Variants in CLEC12A observed in about 807,000 individuals in gnomAD.
The protein encoded by CLEC12A is C-type lectin protein CLL-1.
A neutral mutation model predicts 26.5 loss-of-function variants in CLEC12A; 22 were observed. The observed-to-expected ratio is 0.83, with a 90% confidence interval of 0.59 to 1.19. The LOEUF is 1.19. CLEC12A is among the 50% of genes most tolerant of loss of function. The pLI is 0.00. For synonymous variants in CLEC12A, 119 were observed against 101.9 expected (o/e 1.17, Z -1.01); for missense variants, 353 against 315.6 (o/e 1.12, Z -0.90).
chr12:9,966,256 C>A (rs1863946169), intron 1 of CLEC12A, among the ~76,000 whole-genome samples: 2 of 152,064 alleles, frequency 1.3e-5, no homozygotes, highest in African/African-American at 2.4e-5. Flanking sequence ...ACGGGCTTAC[C>A]CTCCACTGTG....
intron 1 of CLEC12A, chr12:9,952,086 C>T (rs1168703403): frequency 7.8e-6 from 1 of 128,108 alleles, no homozygotes; most frequent in Non-Finnish European, 1.7e-5. Context: ...GACCCTGTCT[C>T]AAGGAAAAAA....
At chr12:9,999,432 A>C (rs1331202008), downstream of CLEC12A, 1 of 192,382 alleles carries the variant, frequency 5.2e-6, no homozygotes, top group Non-Finnish European at 1.0e-5. Flanking sequence ...TTCTAAGAAC[A>C]AAAGTTCATG....
intron 4 of CLEC12A, among the ~76,000 whole-genome samples, chr12:9,994,784 G>T (rs1467337180): frequency 6.6e-6 from 1 of 151,946 alleles, no homozygotes; most frequent in Non-Finnish European, 1.5e-5. Context: ...AATATGTGAA[G>T]ATAATCAGAA....
chr12:9,994,167 A>T (rs966797378), intron 4 of CLEC12A, among the ~76,000 whole-genome samples: 2 of 152,090 alleles, frequency 1.3e-5, no homozygotes, highest in Non-Finnish European at 2.9e-5. Flanking sequence ...CAGTGGAGAG[A>T]TGGTCATGGA....
chr12:9,970,321 A>T (rs1864082611), upstream of CLEC12A, among the ~76,000 whole-genome samples: 1 of 152,120 alleles, frequency 6.6e-6, no homozygotes, highest in Non-Finnish European at 1.5e-5. Context: ...TATTTTTAGT[A>T]GCTCTTATAA....
chr12:9,953,582 A>T (rs1475598128), intron 1 of CLEC12A, among the ~76,000 whole-genome samples: 4 of 124,606 alleles, frequency 3.2e-5, no homozygotes, highest in Middle Eastern at 6.3e-3. Flanking sequence ...TCCGGGAGGG[A>T]GGTGGGGGGG....
intron 3 of CLEC12A, among the ~76,000 whole-genome samples, chr12:9,979,879 TTCAG>T (rs10571442): frequency 0.072 from 11,015 of 152,158 alleles, 429 homozygotes; most frequent in East Asian, 0.16. Context: ...ATTCTTAAAT[TTCAG>T]TCAGTGATTG....
chr12:9,998,512 C>T (rs1865105800), downstream of CLEC12A: 3 of 567,036 alleles, frequency 5.3e-6, no homozygotes, highest in Non-Finnish European at 9.8e-6. Context: ...GCAGATCTCA[C>T]CTGTGTTCTC....
At chr12:9,976,414 T>A (rs1014046594) in intron 1 of CLEC12A, among the ~76,000 whole-genome samples, 10 of 152,198 alleles carry the variant, frequency 6.6e-5, no homozygotes, top group Admixed American at 1.3e-4. Flanking sequence ...AGGAGATGAT[T>A]TTGGAGCTTT....
At chr12:9,970,815 A>C (rs2760953), upstream of CLEC12A, among the ~76,000 whole-genome samples, 84,593 of 151,948 alleles carry the variant, frequency 0.56, 23,863 homozygotes, top group South Asian at 0.72. Context: ...GTTTCTGGGC[A>C]TCAGATCCCT....
At chr12:10,005,594 C>T in the CLEC12A span, among the ~76,000 whole-genome samples, 5 of 152,122 alleles carry the variant, frequency 3.3e-5, no homozygotes, top group African/African-American at 4.8e-5. Context: ...AATAACTTGC[C>T]GAAAGCCACA....
chr12:9,971,447 T>G lies in CLEC12A; in HGVS notation c.-150T>G. On this transcript the variant is annotated 5_prime_UTR_variant, in exon 1 of 6. Transcript: ENST00000304361. ...ACATATGGGTGATTGGTACAGTAGG[T>G]TTATAAACAGAAGTTTAAACTTGTA... is the stretch of plus-strand genomic sequence containing the variant. The G allele has an allele frequency of 7.3e-7, 1 of 1,367,786 alleles. No homozygotes were observed. 84.7% of individuals were successfully genotyped at this position (1,367,786 alleles called of 1,614,324 possible).
chr12:9,997,400 C>T (rs959529644), downstream of CLEC12A: 10 of 827,592 alleles, frequency 1.2e-5, no homozygotes, highest in Admixed American at 8.4e-5. Flanking sequence ...ACTAGATACA[C>T]ATGATTAAAT....
At chr12:9,978,414 CTGAT>C (rs72174685) in intron 1 of CLEC12A, among the ~76,000 whole-genome samples, 80,446 of 136,902 alleles carry the variant, frequency 0.59, 21,188 homozygotes, top group East Asian at 0.83. Context: ...TAGATCTGGA[CTGAT>C]TAAGATCAAA....
chr12:10,003,674 G>A, the CLEC12A span, among the ~76,000 whole-genome samples: 2 of 152,158 alleles, frequency 1.3e-5, no homozygotes, highest in African/African-American at 2.4e-5. Context: ...AACACGTTGG[G>A]AGGCCAAGGT....
At chr12:9,989,841 G>A (rs1334511642), downstream of CLEC12A, among the ~76,000 whole-genome samples, 1 of 152,164 alleles carries the variant, frequency 6.6e-6, no homozygotes. Flanking sequence ...TCTTGTTAGG[G>A]ACTAATGCAG....
chr12:9,961,337 G>A (rs922494167), intron 1 of CLEC12A, among the ~76,000 whole-genome samples: 1 of 152,172 alleles, frequency 6.6e-6, no homozygotes, highest in South Asian at 2.1e-4. Context: ...GTTGAAGAGG[G>A]AGTCCATTCA....
At chr12:10,005,143 C>G in the CLEC12A span, among the ~76,000 whole-genome samples, 1 of 152,146 alleles carries the variant, frequency 6.6e-6, no homozygotes, top group Non-Finnish European at 1.5e-5. Context: ...CATATGTTTA[C>G]TGATCACTGC....
intron 5 of CLEC12A, 134 bp downstream of exon 5, chr12:9,982,263 T>G: frequency 1.7e-6 from 1 of 588,902 alleles, no homozygotes; most frequent in Non-Finnish European, 3.0e-6. Context: ...CTATCATGCT[T>G]CTTTGATGTA....
Sources: allele counts gnomAD v4.1 joint callset (sites outside exome capture counted in the v4.1 genomes callset), GRCh38; gene constraint gnomAD v4.1.1; transcripts MANE v1.5; gene names NCBI Gene and HGNC (gene_info 2026-07-23, HGNC 2026-07-21).